The following PRKD3 variants were observed in gnomAD, a reference collection of about 807,000 sequenced individuals.
PRKD3 encodes protein kinase D3.
A neutral mutation model predicts 99.2 loss-of-function variants in PRKD3; 47 were observed. The observed-to-expected ratio is 0.47, with a 90% confidence interval of 0.38 to 0.60. The LOEUF is 0.60. PRKD3 is among the 20% of genes least tolerant of loss of function. The pLI is 0.00. For synonymous variants in PRKD3, 392 were observed against 355.4 expected (o/e 1.10, Z -1.16); for missense variants, 1,019 against 1,088.4 (o/e 0.94, Z 0.90).
intron 3 of PRKD3, among the ~76,000 whole-genome samples, chr2:37,291,423 A>T (rs1670416754): frequency 6.6e-6 from 1 of 152,248 alleles, no homozygotes; most frequent in Non-Finnish European, 1.5e-5. Context: ...CCCAGGATAT[A>T]CTTGTCTGTT....
At chr2:37,275,684 C>G (rs1185610901) in intron 10 of PRKD3, 83 bp downstream of exon 10, 4 of 1,399,918 alleles carry the variant, frequency 2.9e-6, no homozygotes, top group African/African-American at 3.0e-5. Context: ...CATATATATT[C>G]AAATATAACA....
intron 2 of PRKD3, among the ~76,000 whole-genome samples, chr2:37,302,709 T>C (rs1213893038): frequency 2.0e-5 from 3 of 152,110 alleles, no homozygotes; most frequent in Non-Finnish European, 4.4e-5. Context: ...GAATAATTTA[T>C]CACTATGAAC....
chr2:37,303,816 A>G (rs1671044294), intron 2 of PRKD3, among the ~76,000 whole-genome samples: 1 of 152,194 alleles, frequency 6.6e-6, no homozygotes, highest in Non-Finnish European at 1.5e-5. Flanking sequence ...TTTAACATAC[A>G]TTTACTTTTA....
At chr2:37,311,428 C>T (rs1266083893) in intron 2 of PRKD3, among the ~76,000 whole-genome samples, 2 of 152,088 alleles carry the variant, frequency 1.3e-5, no homozygotes, top group Non-Finnish European at 2.9e-5. Context: ...TGGGAGCTTC[C>T]ACAGTTATCT....
At chr2:37,306,938 G>T (rs942693402) in intron 2 of PRKD3, among the ~76,000 whole-genome samples, 1 of 152,142 alleles carries the variant, frequency 6.6e-6, no homozygotes, top group Non-Finnish European at 1.5e-5. Context: ...CCCTACAATG[G>T]TACTAAAAGA....
chr2:37,308,419 A>G (rs1185903506), intron 2 of PRKD3, among the ~76,000 whole-genome samples: 1 of 151,988 alleles, frequency 6.6e-6, no homozygotes, highest in Non-Finnish European at 1.5e-5. Context: ...ACTGAAATTT[A>G]CCTTGGTGTC....
At chr2:37,254,488 G>A (rs779155104) in intron 17 of PRKD3, among the ~76,000 whole-genome samples, 199 bp from the exon 18 acceptor site, 1 of 152,142 alleles carries the variant, frequency 6.6e-6, no homozygotes, top group Non-Finnish European at 1.5e-5. Flanking sequence ...AATTTTCATT[G>A]CCTTTATAAG....
Position 37,253,020 on chromosome 2 carries a change from C to T in PRKD3, c.*157G>A. 1 of 631,512 alleles carries T rather than the reference C, an allele frequency of 1.6e-6. No homozygotes were observed. Among genetic ancestry groups the T allele is most frequent in the Non-Finnish European group, 2.4e-6 (1 of 413,108 alleles). The allele number at this position is 631,512 out of a possible 1,614,324, so 39.1% of individuals were successfully genotyped here. A position where few individuals can be genotyped will look rare whatever the true frequency, so the allele number is the denominator to read the frequency against. ...TTATTATTCAGTTTCCCGCCTGTAC[C>T]TACTCATTATGAACTACAGTACTGG... On this transcript the variant is annotated 3_prime_UTR_variant, in exon 19 of 19. Coordinates refer to ENST00000234179, the MANE Select transcript of PRKD3 (RefSeq NM_005813.6).
chr2:37,273,432 C>G (rs926992631), intron 11 of PRKD3, among the ~76,000 whole-genome samples: 1 of 152,144 alleles, frequency 6.6e-6, no homozygotes, highest in African/African-American at 2.4e-5. Flanking sequence ...CCCTCCACCC[C>G]TCCCACTGAG....
At chr2:37,297,566 C>G (rs895107128) in intron 2 of PRKD3, among the ~76,000 whole-genome samples, 8 of 152,110 alleles carry the variant, frequency 5.3e-5, no homozygotes, top group African/African-American at 1.9e-4. Context: ...TTAAGAATCC[C>G]ATCCATACCA....
intron 9 of PRKD3, among the ~76,000 whole-genome samples, chr2:37,277,015 A>C (rs1317078322): frequency 6.6e-6 from 1 of 152,012 alleles, no homozygotes; most frequent in East Asian, 1.9e-4. Context: ...ACTATAAATA[A>C]AACACATACA....
At chr2:37,285,944 G>T (rs1187995202) in intron 6 of PRKD3, among the ~76,000 whole-genome samples, 1 of 152,114 alleles carries the variant, frequency 6.6e-6, no homozygotes, top group African/African-American at 2.4e-5. Context: ...TGAAGACTGA[G>T]CATGTAAAGG....
chr2:37,289,344 T>C lies in PRKD3; in HGVS notation c.717+12A>G, dbSNP rs1670277507. On this transcript the variant is annotated intron_variant, in intron 5 of 18. Transcript: ENST00000234179. ...ACTACTACTAAAATGTCTATTACCT[T>C]AGAATACGTACCTCTTCACTGGGAA... The C allele has an allele frequency of 6.2e-7, 1 of 1,613,156 alleles. No individual in the cohort carries two copies. Among genetic ancestry groups the C allele is most frequent in the East Asian group, 2.2e-5 (1 of 44,862 alleles).
At chr2:37,324,320 G>T (rs1672019281) in intron 1 of PRKD3, 1 of 659,810 alleles carries the variant, frequency 1.5e-6, no homozygotes, top group Non-Finnish European at 1.9e-6. Context: ...GGAACGGATC[G>T]CCTCCGATGG....
intron 16 of PRKD3, among the ~76,000 whole-genome samples, chr2:37,259,091 A>T (rs910028785): frequency 6.6e-6 from 1 of 152,104 alleles, no homozygotes; most frequent in Non-Finnish European, 1.5e-5. Context: ...AAAATCAGAG[A>T]GTGCTACATG....
intron 9 of PRKD3, among the ~76,000 whole-genome samples, chr2:37,276,049 T>C (rs866653423): frequency 6.6e-6 from 1 of 152,134 alleles, no homozygotes; most frequent in Non-Finnish European, 1.5e-5. Context: ...TCCTCACCCT[T>C]ACTCCAGGCA....
At chr2:37,269,546 G>A (rs1398553815) in intron 13 of PRKD3, 69 bp downstream of exon 13, 1 of 1,351,010 alleles carries the variant, frequency 7.4e-7, no homozygotes, top group Non-Finnish European at 1.1e-6. Flanking sequence ...CAAAACAGCT[G>A]GCAGATGTTT....
chr2:37,317,153 G>C lies in PRKD3; in HGVS notation c.-629C>G. The C allele has an allele frequency of 1.0e-6, 1 of 984,610 alleles. No homozygotes were observed. The highest frequency in any genetic ancestry group is 4.7e-5 in the South Asian group (1 of 21,256). The allele number at this position is 984,610 out of a possible 1,614,324, so 61.0% of individuals were successfully genotyped here. On this transcript the variant is annotated 5_prime_UTR_variant, in exon 2 of 19. Transcript: ENST00000234179. The stretch of plus-strand genomic sequence containing the variant: ...TAGATGAATGGGTCCATCGAGAAAA[G>C]CTGATGCTTTCTGACATATAGTTAG...
At chr2:37,272,580 C>A in intron 11 of PRKD3, 148 bp from the exon 12 acceptor site, 1 of 1,009,834 alleles carries the variant, frequency 9.9e-7, no homozygotes, top group Non-Finnish European at 1.4e-6. Context: ...CACATACAAC[C>A]CATCAACAGG....
Sources: allele counts gnomAD v4.1 joint callset (sites outside exome capture counted in the v4.1 genomes callset), GRCh38; gene constraint gnomAD v4.1.1; transcripts MANE v1.5; gene names NCBI Gene and HGNC (gene_info 2026-07-23, HGNC 2026-07-21).